The following CD247 variants were observed in gnomAD, a reference collection of about 807,000 sequenced individuals.
CD247 encodes the protein CD247 molecule, also known as T-cell surface glycoprotein CD3 zeta chain.
In CD247, 13 loss-of-function variants were observed where a neutral mutation model predicts 30.0. That is an observed-to-expected ratio of 0.43 (90% CI 0.28 to 0.69). CD247 has a LOEUF of 0.69. Ranked by LOEUF, CD247 falls within the 30% of genes least tolerant of loss-of-function variation. CD247 has a pLI of 0.16. For synonymous variants in CD247, 72 were observed against 80.0 expected, an observed-to-expected ratio of 0.90 and a Z score of 0.53; for missense variants, 193 against 212.6, an observed-to-expected ratio of 0.91 and a Z score of 0.57.
intron 1 of CD247, among the ~76,000 whole-genome samples, chr1:167,486,970 A>C (rs1316518642): frequency 2.7e-5 from 4 of 150,174 alleles, no homozygotes; most frequent in Non-Finnish European, 4.4e-5. Flanking sequence ...GCTACTTGGG[A>C]GGCTGAGGCA....
chr1:167,446,554 A>G (rs1554669), intron 1 of CD247, among the ~76,000 whole-genome samples: 18,120 of 152,154 alleles, frequency 0.12, 1,576 homozygotes, highest in African/African-American at 0.24. Context: ...GGCGCATGCT[A>G]AGAGGCTCTG....
At chr1:167,488,548 G>A (rs1297743185) in intron 1 of CD247, among the ~76,000 whole-genome samples, 1 of 152,194 alleles carries the variant, frequency 6.6e-6, no homozygotes, top group Non-Finnish European at 1.5e-5. Context: ...CCTGGGGGAT[G>A]GAGTGGGATG....
intron 1 of CD247, among the ~76,000 whole-genome samples, chr1:167,504,563 C>T (rs548506662): frequency 1.3e-5 from 2 of 152,210 alleles, no homozygotes; most frequent in Non-Finnish European, 2.9e-5. Context: ...CTGGCATAGC[C>T]TAACAGGACA....
intron 1 of CD247, among the ~76,000 whole-genome samples, chr1:167,474,834 C>T (rs1653679895): frequency 6.7e-6 from 1 of 149,108 alleles, no homozygotes; most frequent in African/African-American, 2.5e-5. Flanking sequence ...CTCACTGCAA[C>T]CTCTGCCTCC....
intron 1 of CD247, among the ~76,000 whole-genome samples, chr1:167,500,587 C>T (rs1033877868): frequency 1.3e-5 from 2 of 152,178 alleles, no homozygotes; most frequent in Admixed American, 6.5e-5. Context: ...ATAATTACCA[C>T]CCCCCTACAC....
intron 1 of CD247, among the ~76,000 whole-genome samples, chr1:167,484,144 G>A (rs933376448): frequency 1.3e-5 from 2 of 152,308 alleles, no homozygotes; most frequent in East Asian, 1.9e-4. Context: ...CTCATTCCTC[G>A]TGCCCCACAC....
At position 167,517,839 on chromosome 1, in the gene CD247, AC is replaced by A. The variant is rs376019491; in HGVS notation, c.58+568del. Among the ~76,000 whole-genome samples, 43 of 152,200 alleles carry A rather than the reference AC, an allele frequency of 2.8e-4. No individual in the cohort carries two copies. In the East Asian group the frequency reaches 7.7e-3, roughly 27 times the overall value. On this transcript the variant is annotated intron_variant, in intron 1 of 7. Coordinates refer to ENST00000362089, the MANE Select transcript of CD247 (RefSeq NM_198053.3). ...TGGCGAAGGCGCTGTGGAGGCTGCC[AC>A]CCGGTGCTTCCTGCCTGTGCCCCTC...
At chr1:167,446,545 G>T (rs533417064) in intron 1 of CD247, among the ~76,000 whole-genome samples, 1 of 152,292 alleles carries the variant, frequency 6.6e-6, no homozygotes, top group Non-Finnish European at 1.5e-5. Context: ...CTGCACAGTG[G>T]CGCATGCTAA....
At chr1:167,487,100 C>G (rs931249795) in intron 1 of CD247, among the ~76,000 whole-genome samples, 2 of 146,428 alleles carry the variant, frequency 1.4e-5, no homozygotes, top group Admixed American at 1.4e-4. Context: ...AGAAAACGGC[C>G]GGGTGTGATG....
chr1:167,438,747 C>T (rs1260473194), intron 3 of CD247, 97 bp from the exon 4 acceptor site: 8 of 948,866 alleles, frequency 8.4e-6, no homozygotes, highest in Non-Finnish European at 1.4e-5. Context: ...TCTGGGGTGG[C>T]TCATAAAAAG....
intron 1 of CD247, among the ~76,000 whole-genome samples, chr1:167,460,849 G>A (rs1652974683): frequency 6.6e-6 from 1 of 152,104 alleles, no homozygotes; most frequent in East Asian, 1.9e-4. Flanking sequence ...CTGAGTCTGG[G>A]CTGGGAGACA....
intron 1 of CD247, among the ~76,000 whole-genome samples, chr1:167,470,287 C>T (rs1263005391): frequency 6.6e-6 from 1 of 152,082 alleles, no homozygotes; most frequent in African/African-American, 2.4e-5. Flanking sequence ...CAGTTCTCTC[C>T]TGAAATCCAG....
intron 4 of CD247, 110 bp from the exon 5 acceptor site, chr1:167,435,544 G>T: frequency 2.3e-6 from 2 of 877,702 alleles, no homozygotes; most frequent in Non-Finnish European, 3.8e-6. Context: ...GGGCTCTGCC[G>T]TCTGCCTCTC....
intron 1 of CD247, among the ~76,000 whole-genome samples, chr1:167,480,870 A>G (rs190256778): frequency 2.0e-5 from 3 of 152,328 alleles, no homozygotes; most frequent in Admixed American, 6.5e-5. Flanking sequence ...TCTTGGGAAC[A>G]TTTGTGACGT....
chr1:167,471,325 A>T (rs1653513877), intron 1 of CD247, among the ~76,000 whole-genome samples: 1 of 152,182 alleles, frequency 6.6e-6, no homozygotes, highest in Non-Finnish European at 1.5e-5. Flanking sequence ...GGCTATTTAA[A>T]CTTAGGGCTG....
chr1:167,456,270 C>T (rs907303128), intron 1 of CD247, among the ~76,000 whole-genome samples: 1 of 152,148 alleles, frequency 6.6e-6, no homozygotes, highest in Admixed American at 6.5e-5. Flanking sequence ...CTGCCTGTGC[C>T]TGGGGCTGTG....
intron 2 of CD247, 80 bp from the exon 3 acceptor site, chr1:167,439,480 C>G (rs1055041018): frequency 3.2e-6 from 4 of 1,258,188 alleles, no homozygotes; most frequent in East Asian, 4.7e-5. Context: ...CGCGGCGACC[C>G]GAGGGACAGC....
intron 1 of CD247, among the ~76,000 whole-genome samples, chr1:167,511,603 G>T (rs1301641920): frequency 6.6e-6 from 1 of 152,184 alleles, no homozygotes; most frequent in Non-Finnish European, 1.5e-5. Flanking sequence ...TATATTAAAT[G>T]AGAATATTCA....
intron 1 of CD247, among the ~76,000 whole-genome samples, chr1:167,454,167 T>C (rs567597374): frequency 1.4e-4 from 22 of 152,272 alleles, no homozygotes; most frequent in Admixed American, 6.5e-4. Context: ...GAATTACACT[T>C]AAAAATGAAA....
Sources: gnomAD v4.1 joint callset for allele counts (sites outside exome capture counted in the v4.1 genomes callset) on GRCh38, gnomAD v4.1.1 for gene constraint, MANE v1.5 for transcripts, NCBI Gene and HGNC (gene_info 2026-07-23, HGNC 2026-07-21) for gene names.